The following NECTIN2 variants were observed in gnomAD, a reference collection of about 807,000 sequenced individuals.
The protein encoded by NECTIN2 is nectin cell adhesion molecule 2.
A neutral mutation model predicts 56.9 loss-of-function variants in NECTIN2; 23 were observed. That is an observed-to-expected ratio of 0.40 (90% confidence interval 0.29 to 0.57). The LOEUF is 0.57. Among genes scored for constraint, NECTIN2 ranks in the 20% least tolerant of loss-of-function variants. NECTIN2 has a pLI of 0.38. For synonymous variants in NECTIN2, 302 were observed against 313.8 expected (o/e 0.96, Z 0.40); for missense variants, 587 against 718.3 (o/e 0.82, Z 2.09).
chr19:44,885,287 C>A (rs1239216037), intron 6 of NECTIN2, among the ~76,000 whole-genome samples: 1 of 150,232 alleles, frequency 6.7e-6, no homozygotes, highest in East Asian at 2.0e-4. Context: ...TGAGCCACCA[C>A]GCCTGGCTGA....
At chr19:44,878,280 G>T (rs1241830050) in intron 5 of NECTIN2, 4 of 1,216,266 alleles carry the variant, frequency 3.3e-6, no homozygotes, top group South Asian at 1.4e-5. Flanking sequence ...GCCGTGGGGG[G>T]GACACTGCTG....
At chr19:44,853,355 C>A (rs1464963168) in intron 1 of NECTIN2, among the ~76,000 whole-genome samples, 2 of 152,064 alleles carry the variant, frequency 1.3e-5, no homozygotes, top group East Asian at 3.9e-4. Context: ...TGCCACCACG[C>A]CCAGCTAATT....
At chr19:44,866,031 G>A (rs887531954) in intron 2 of NECTIN2, among the ~76,000 whole-genome samples, 13 of 152,094 alleles carry the variant, frequency 8.5e-5, no homozygotes, top group African/African-American at 3.1e-4. Context: ...AATTAGCTGG[G>A]TGTGGTGGCC....
intron 5 of NECTIN2, among the ~76,000 whole-genome samples, chr19:44,881,425 C>G (rs1969306433): frequency 6.6e-6 from 1 of 151,990 alleles, no homozygotes; most frequent in African/African-American, 2.4e-5. Flanking sequence ...CGGCATAATC[C>G]CAGAACGTTG....
At chr19:44,876,765 A>C (rs1969243989) in intron 5 of NECTIN2, among the ~76,000 whole-genome samples, 1 of 152,160 alleles carries the variant, frequency 6.6e-6, no homozygotes, top group African/African-American at 2.4e-5. Flanking sequence ...TTTTTAATAG[A>C]GACAGGGTCT....
intron 5 of NECTIN2, chr19:44,879,012 A>C: frequency 1.4e-6 from 1 of 713,928 alleles, no homozygotes; most frequent in Non-Finnish European, 1.7e-6. Context: ...AGGGACTCCT[A>C]GGTCCCAGGG....
chr19:44,862,992 CAAAAAAAAA>C (rs57740346), intron 1 of NECTIN2, among the ~76,000 whole-genome samples: 2 of 123,126 alleles, frequency 1.6e-5, no homozygotes, highest in African/African-American at 6.3e-5. Context: ...ACTAAAAATA[CAAAAAAAAA>C]AAAAAAAAAA....
In NECTIN2 at chr19:44,888,582, C is replaced by G; in HGVS notation, c.*203C>G. 1 of 610,776 alleles carries G rather than the reference C, an allele frequency of 1.6e-6. No individual in the cohort carries two copies. Among genetic ancestry groups the G allele is most frequent in the Non-Finnish European group, 2.8e-6 (1 of 353,360 alleles). The allele number at this position is 610,776 out of a possible 1,614,324, so 37.8% of individuals were successfully genotyped here. A position where few individuals can be genotyped will look rare whatever the true frequency, so the allele number is the denominator to read the frequency against. On this transcript the variant is annotated 3_prime_UTR_variant, in exon 9 of 9. Transcript: ENST00000252483. The stretch of plus-strand genomic sequence containing the variant: ...CACCGTGATAATGGAATCCTGGCAA[C>G]CTTATCTCATGAGGCAGGAGGTGGG...
Position 44,874,258 on chromosome 19 carries a change from A to G in NECTIN2, c.894-72A>G. ...CTGGAGCTTGGCTCCTGGTGGGTGTATCTTTAGGGATGAGGCCTGTGCTCC... is the reference window on the plus strand; with the variant it reads ...CTGGAGCTTGGCTCCTGGTGGGTGTGTCTTTAGGGATGAGGCCTGTGCTCC... On this transcript the variant is annotated intron_variant, in intron 4 of 8. Coordinates refer to ENST00000252483, the MANE Select transcript of NECTIN2 (RefSeq NM_001042724.2). The surrounding 1 kb of genome is among the most constrained non-coding windows in gnomAD (Gnocchi z 6.3). The G allele has an allele frequency of 6.5e-7, 1 of 1,542,678 alleles. No homozygotes were observed. The highest frequency in any genetic ancestry group is 8.9e-7 in the Non-Finnish European group (1 of 1,118,920).
chr19:44,884,936 T>A (rs1412334713), intron 6 of NECTIN2, among the ~76,000 whole-genome samples: 1 of 152,248 alleles, frequency 6.6e-6, no homozygotes, highest in Non-Finnish European at 1.5e-5. Flanking sequence ...CTCCTCATAG[T>A]GGATTCTGGA....
chr19:44,881,696 T>C (rs143855796), intron 5 of NECTIN2, among the ~76,000 whole-genome samples: 2 of 152,098 alleles, frequency 1.3e-5, no homozygotes, highest in East Asian at 1.9e-4. Flanking sequence ...AAAAAAACCA[T>C]AGAGCCCCAC....
At chr19:44,878,712 C>T (rs1206455532) in intron 5 of NECTIN2, 21 of 1,502,530 alleles carry the variant, frequency 1.4e-5, no homozygotes, top group East Asian at 2.3e-5. Flanking sequence ...TGGACTTGTT[C>T]GTCTGGACGA....
chr19:44,860,124 A>T (rs1227431925), intron 1 of NECTIN2, among the ~76,000 whole-genome samples: 3 of 152,350 alleles, frequency 2.0e-5, no homozygotes. Flanking sequence ...ATAGTCTATT[A>T]CATGAAATGT....
At chr19:44,879,395 TC>T (rs1346147292) in intron 5 of NECTIN2, among the ~76,000 whole-genome samples, 1 of 151,410 alleles carries the variant, frequency 6.6e-6, no homozygotes, top group African/African-American at 2.4e-5. Flanking sequence ...AGACCTCAAC[TC>T]CCCCAGGTTG....
At chr19:44,878,941 A>T (rs1969276988) in intron 5 of NECTIN2, 1 of 1,133,986 alleles carries the variant, frequency 8.8e-7, no homozygotes, top group East Asian at 4.9e-5. Context: ...GGAAAACATC[A>T]GGGGTGTCTT....
At chr19:44,871,097 C>T (rs971421359) in intron 2 of NECTIN2, among the ~76,000 whole-genome samples, 1 of 152,114 alleles carries the variant, frequency 6.6e-6, no homozygotes, top group Admixed American at 6.5e-5. Context: ...AATTCCTGGC[C>T]TCAAGTGATC....
Position 44,846,554 on chromosome 19 carries a change from C to T in NECTIN2, c.29C>T (p.Ser10Leu). 1 of 1,524,130 alleles carries T rather than the reference C, an allele frequency of 6.6e-7. No individual in the cohort carries two copies. The highest frequency in any genetic ancestry group is 8.8e-7 in the Non-Finnish European group (1 of 1,142,394). The allele number at this position is 1,524,130 out of a possible 1,614,324, so 94.4% of individuals were successfully genotyped here. A position where few individuals can be genotyped will look rare whatever the true frequency, so the allele number is the denominator to read the frequency against. The change falls in exon 1 of 9, where the codon TCG becomes TTG. Residue 10 changes from serine to leucine, a missense_variant. Physicochemically the swap from Ser to Leu is moderately radical, Grantham distance 145. Coordinates refer to ENST00000252483, the MANE Select transcript of NECTIN2 (RefSeq NM_001042724.2). ...GCCCGGGCCGCTGCCCTCCTGCCGT[C>T]GAGATCGCCGCCGACGCCGCTGCTG... The part of the protein sequence containing the change: MARAAALLP[S>L]RSPPTPLLWP...
In NECTIN2 at chr19:44,874,090, ACTCCTGGATCTAAGGGAGGAGGGG is replaced by A. The variant is rs1212678328; in HGVS notation, c.893+60_893+83del. The A allele has an allele frequency of 4.0e-5, 57 of 1,429,692 alleles. No homozygotes were observed. The East Asian group carries it at 9.6e-4, about 24-fold the overall frequency. 88.6% of individuals were successfully genotyped at this position (1,429,692 alleles called of 1,614,324 possible). ...GAGGGAGGCGGGGCTGGGGGCCTGG[ACTCCTGGATCTAAGGGAGGAGGGG>A]CTGGGGGCCTGGACTCCTGGATCTG... On this transcript the variant is annotated intron_variant, in intron 4 of 8. Coordinates refer to ENST00000252483, the MANE Select transcript of NECTIN2 (RefSeq NM_001042724.2). The surrounding 1 kb of genome is among the most constrained non-coding windows in gnomAD (Gnocchi z 6.3).
intron 6 of NECTIN2, among the ~76,000 whole-genome samples, chr19:44,883,628 A>G (rs1177634529): frequency 6.6e-6 from 1 of 152,116 alleles, no homozygotes; most frequent in Non-Finnish European, 1.5e-5. Flanking sequence ...TCGAGACCAG[A>G]CTGAACATCA....
Sources: allele counts gnomAD v4.1 joint callset (sites outside exome capture counted in the v4.1 genomes callset), GRCh38; gene constraint gnomAD v4.1.1; non-coding constraint Gnocchi (gnomAD v3.1); transcripts MANE v1.5; gene names NCBI Gene and HGNC (gene_info 2026-07-23, HGNC 2026-07-21).